The following ZNF540 variants were observed in gnomAD, a reference collection of about 807,000 sequenced individuals.
ZNF540 encodes the protein zinc finger protein 540.
ZNF540 carries 3 observed loss-of-function variants against 11.8 expected under a neutral mutation model. The ratio of observed to expected loss-of-function variants is 0.25; its 90% CI spans 0.12 to 0.65. The LOEUF is 0.65. Among genes scored for constraint, ZNF540 ranks in the 30% least tolerant of loss-of-function variants. The pLI, the probability that ZNF540 is intolerant of heterozygous loss-of-function variation, is 0.83. For synonymous variants in ZNF540, 247 were observed against 259.0 expected, an observed-to-expected ratio of 0.95 and a Z score of 0.45; for missense variants, 709 against 793.1, an observed-to-expected ratio of 0.89 and a Z score of 1.27.
rs1183017996 is a variant in ZNF540, at chr19:37,566,401, A to C, written c.-73+14736A>C. On this transcript the variant is annotated intron_variant, in intron 1 of 4. Transcript: ENST00000592533. ...ATTCTCATTAAGAATAGAATGGCTT[A>C]AACAGTACAGAAATATTTTCTGCCA... 1.1e-5 allele frequency: 14 copies of C among 1,256,138 alleles called. No homozygotes were observed. In the East Asian group the frequency reaches 3.1e-4, roughly 28 times the overall value. 77.8% of individuals were successfully genotyped at this position (1,256,138 alleles called of 1,614,324 possible).
chr19:37,562,714 ATC>A (rs753204416), intron 1 of ZNF540: 1 of 152,230 alleles, frequency 6.6e-6, no homozygotes, highest in Non-Finnish European at 1.5e-5. Context: ...AGCTGTTTTT[ATC>A]TGTCATTTGC....
intron 1 of ZNF540, among the ~76,000 whole-genome samples, chr19:37,559,870 T>C (rs2042698745): frequency 1.3e-5 from 2 of 152,258 alleles, no homozygotes; most frequent in Non-Finnish European, 2.9e-5. Flanking sequence ...CCTATTATAG[T>C]ATACTGTCAC....
chr19:37,591,356 C>G (rs1365179665), upstream of ZNF540, among the ~76,000 whole-genome samples: 1 of 152,184 alleles, frequency 6.6e-6, no homozygotes, highest in Non-Finnish European at 1.5e-5. Flanking sequence ...CTGGAAAGGA[C>G]TACCACTGGC....
rs757498888 is a variant in ZNF540, at chr19:37,613,048, C to T, written c.1768C>T (p.Arg590Cys). ...TAAAGAATGTGGGAAGGCCTTTAGT[C>T]GTAGTGTAGACCTTAGAATACATCA... is the stretch of plus-strand genomic sequence containing the variant. Reference protein sequence around the residue: ...KCKECGKAFSRSVDLRIHQRI... With the variant: ...KCKECGKAFSCSVDLRIHQRI... The change falls in exon 5 of 5, where the codon CGT (arginine) becomes TGT (cysteine). Residue 590 changes from arginine to cysteine, a missense_variant. Coordinates refer to ENST00000316433, the MANE Select transcript of ZNF540 (RefSeq NM_001172225.3). 9.3e-6 allele frequency: 15 copies of T among 1,613,910 alleles called. No individual in the cohort carries two copies. The highest frequency in any genetic ancestry group is 4.5e-5 in the East Asian group (2 of 44,884).
intron 1 of ZNF540, chr19:37,584,065 G>C (rs763750519): frequency 6.2e-7 from 1 of 1,614,144 alleles, no homozygotes; most frequent in Non-Finnish European, 8.5e-7. Context: ...CCTGAGAGAA[G>C]TCAATGGCCA....
At chr19:37,564,598 T>C in intron 1 of ZNF540, 1 of 1,496,740 alleles carries the variant, frequency 6.7e-7, no homozygotes, top group Non-Finnish European at 8.9e-7. Context: ...CAAGGCTTTC[T>C]CAATTATGAA....
chr19:37,554,715 T>C (rs1043976811), intron 1 of ZNF540: 4 of 152,204 alleles, frequency 2.6e-5, no homozygotes, highest in African/African-American at 9.6e-5. Flanking sequence ...TTCCCACAGA[T>C]CACCAAGACT....
chr19:37,558,074 CTTCAG>C (rs2046521680), intron 1 of ZNF540, among the ~76,000 whole-genome samples: 1 of 152,134 alleles, frequency 6.6e-6, no homozygotes, highest in South Asian at 2.1e-4. Context: ...AAAGCAGGGG[CTTCAG>C]TTAATGCCTT....
At chr19:37,596,042 T>C (rs2043990519) in intron 1 of ZNF540, among the ~76,000 whole-genome samples, 1 of 152,164 alleles carries the variant, frequency 6.6e-6, no homozygotes, top group African/African-American at 2.4e-5. Context: ...TAAGAAATAA[T>C]AGAGACATTG....
At chr19:37,562,413 T>G (rs1490820480) in intron 1 of ZNF540, 1 of 152,056 alleles carries the variant, frequency 6.6e-6, no homozygotes, top group Non-Finnish European at 1.5e-5. Context: ...AGATAATGTA[T>G]TAGAAGACAA....
chr19:37,609,983 T>C (rs1215934269), intron 4 of ZNF540, among the ~76,000 whole-genome samples: 2 of 152,132 alleles, frequency 1.3e-5, no homozygotes, highest in Non-Finnish European at 2.9e-5. Context: ...AACAACAGGA[T>C]TGGAAACATC....
At chr19:37,592,157 T>C (rs944880873), upstream of ZNF540, among the ~76,000 whole-genome samples, 2 of 151,632 alleles carry the variant, frequency 1.3e-5, no homozygotes, top group Non-Finnish European at 2.9e-5. Flanking sequence ...ACTCGGGAGG[T>C]TGAGGCAGAA....
Position 37,612,799 on chromosome 19 carries a change from G to A in ZNF540, c.1519G>A (p.Gly507Ser), listed in dbSNP as rs764133380. 1 of 1,613,812 alleles carries A rather than the reference G, an allele frequency of 6.2e-7. No homozygotes were observed. Among genetic ancestry groups the A allele is most frequent in the South Asian group, 1.1e-5 (1 of 91,054 alleles). Residue 507 changes from glycine (G) to serine (S), a missense_variant, in exon 5 of 5, where the codon GGT becomes AGT. By Grantham distance (56) the Gly-to-Ser change is moderately conservative. Coordinates refer to ENST00000316433, the MANE Select transcript of ZNF540 (RefSeq NM_001172225.3). ...CVRCGKTFRF[G>S]FYLTEHQRIH... The stretch of plus-strand genomic sequence containing the variant: ...ACGATGTGGGAAGACCTTTAGATTT[G>A]GTTTCTACCTTACTGAACACCAGAG...
chr19:37,600,610 A>AT (rs1365311754), intron 3 of ZNF540, among the ~76,000 whole-genome samples: 1 of 152,150 alleles, frequency 6.6e-6, no homozygotes, highest in Non-Finnish European at 1.5e-5. Flanking sequence ...TTTTATTTTC[A>AT]TTTTACAGAT....
At chr19:37,589,200 C>CA (rs35689698) in intron 1 of ZNF540, among the ~76,000 whole-genome samples, 52,146 of 107,666 alleles carry the variant, frequency 0.48, 12,688 homozygotes, top group East Asian at 0.62. Flanking sequence ...AACTCCGTCT[C>CA]AAAAAAAAAA....
chr19:37,561,048 C>CAAAAAAAA (rs199892724), intron 1 of ZNF540, among the ~76,000 whole-genome samples: 49 of 73,712 alleles, frequency 6.6e-4, no homozygotes, highest in Non-Finnish European at 1.0e-3. Flanking sequence ...CCTGTCTCTA[C>CAAAAAAAA]AAAAAAAAAA....
intron 1 of ZNF540, among the ~76,000 whole-genome samples, chr19:37,577,547 T>C (rs1306946575): frequency 6.6e-6 from 1 of 152,204 alleles, no homozygotes; most frequent in African/African-American, 2.4e-5. Flanking sequence ...ATACCTTTTA[T>C]GTAATGAATT....
At chr19:37,591,135 C>T (rs940049569), upstream of ZNF540, among the ~76,000 whole-genome samples, 22 of 152,244 alleles carry the variant, frequency 1.4e-4, no homozygotes, top group Admixed American at 1.1e-3. Flanking sequence ...CTAGAATAAA[C>T]GACAGCCTTA....
rs2044143752 is a variant in ZNF540, at chr19:37,612,880, C to T, written c.1600C>T (p.Arg534Cys). 5.0e-6 allele frequency: 8 copies of T among 1,613,964 alleles called. No individual in the cohort carries two copies. Among genetic ancestry groups the T allele is most frequent in the Non-Finnish European group, 6.8e-6 (8 of 1,179,982 alleles). ...TAAAGAATGTGGAAAGGCCTTTATTCGTAGAGGGAATCTTAAAGAACATCT... is the reference window on the plus strand; with the variant it reads ...TAAAGAATGTGGAAAGGCCTTTATTTGTAGAGGGAATCTTAAAGAACATCT... The part of the protein sequence containing the change: ...KCKECGKAFI[R>C]RGNLKEHLKI... Residue 534 changes from arginine to cysteine, a missense_variant, in exon 5 of 5, where the codon CGT (arginine) becomes TGT (cysteine). By Grantham distance (180) the Arg-to-Cys change is radical. Coordinates refer to ENST00000316433, the MANE Select transcript of ZNF540 (RefSeq NM_001172225.3).
Sources: allele counts gnomAD v4.1 joint callset (sites outside exome capture counted in the v4.1 genomes callset), GRCh38; gene constraint gnomAD v4.1.1; transcripts MANE v1.5; gene names NCBI Gene and HGNC (gene_info 2026-07-23, HGNC 2026-07-21).